NEIL3: variants seen among roughly 807,000 people sequenced by gnomAD.
NEIL3 encodes the protein endonuclease 8-like 3.
In NEIL3, 48 loss-of-function variants were observed where a neutral mutation model predicts 57.5. That is an observed-to-expected ratio of 0.83 (90% CI 0.66 to 1.06). The LOEUF (loss-of-function observed/expected upper bound fraction) is 1.06, where lower values mean the gene tolerates loss of function less well. Ranked by LOEUF, NEIL3 falls within the 50% of genes least tolerant of loss-of-function variation. The pLI is 0.00. For missense variants in NEIL3, 717 were observed against 739.1 expected (o/e 0.97, Z 0.35); for synonymous variants, 261 against 253.2 (o/e 1.03, Z -0.29).
chr4:177,358,718 A>T (rs10016805), intron 8 of NEIL3, among the ~76,000 whole-genome samples: 26,125 of 152,024 alleles, frequency 0.17, 2,516 homozygotes, highest in South Asian at 0.26. Context: ...CCTACCTTCT[A>T]CCTTGGCCCT....
intron 6 of NEIL3, chr4:177,343,832 TTTATG>T (rs1735154016): frequency 6.6e-6 from 1 of 151,876 alleles, no homozygotes; most frequent in African/African-American, 2.4e-5. Context: ...TTCATAGTTT[TTTATG>T]AACAGGAACT....
intron 2 of NEIL3, among the ~76,000 whole-genome samples, chr4:177,325,059 A>G (rs1461108550): frequency 6.6e-6 from 1 of 152,146 alleles, no homozygotes; most frequent in Non-Finnish European, 1.5e-5. Context: ...TTTTGAAGTT[A>G]TATGTGCTCA....
At chr4:177,338,013 GTCTC>G (rs749630205) in intron 4 of NEIL3, among the ~76,000 whole-genome samples, 3 of 141,778 alleles carry the variant, frequency 2.1e-5, no homozygotes, top group East Asian at 2.0e-4. Flanking sequence ...GCGAGACTCT[GTCTC>G]TCTCTCTCAC....
chr4:177,343,828 G>GT (rs1272628301), intron 6 of NEIL3: 1 of 151,194 alleles, frequency 6.6e-6, no homozygotes, highest in African/African-American at 2.4e-5. Flanking sequence ...AACTTTCATA[G>GT]TTTTTTATGA....
intron 1 of NEIL3, among the ~76,000 whole-genome samples, chr4:177,320,039 C>G (rs34880612): frequency 5.0e-4 from 76 of 152,200 alleles, no homozygotes; most frequent in African/African-American, 1.7e-3. Flanking sequence ...TATATTGAGA[C>G]AAAGATCTAT....
chr4:177,338,089 C>T (rs926223685), intron 4 of NEIL3, among the ~76,000 whole-genome samples: 1 of 151,992 alleles, frequency 6.6e-6, no homozygotes, highest in African/African-American at 2.4e-5. Flanking sequence ...AAAGCACGTG[C>T]ACAATTACTG....
At chr4:177,325,147 T>G (rs965935032) in intron 2 of NEIL3, among the ~76,000 whole-genome samples, 1 of 152,114 alleles carries the variant, frequency 6.6e-6, no homozygotes, top group African/African-American at 2.4e-5. Flanking sequence ...GATTTTATAA[T>G]TTATTGGGGT....
chr4:177,326,473 G>A (rs553465681), intron 2 of NEIL3, among the ~76,000 whole-genome samples: 2 of 150,974 alleles, frequency 1.3e-5, no homozygotes, highest in South Asian at 4.2e-4. Flanking sequence ...TAGCTTTAAA[G>A]TCAGTTTAAA....
Position 177,362,378 on chromosome 4 carries a change from T to C in NEIL3, c.1725T>C (p.Asn575=), listed in dbSNP as rs1418998602. ...VLKIGPNNGK[N]FFVCPLGKEK... ...AGATTGGACCTAACAATGGAAAGAA[T>C]TTTTTTGTGTGTCCTCTTGGGAAGG... Residue 575 remains asparagine, a synonymous_variant, in exon 10 of 10, where the codon AAT becomes AAC. Transcript: ENST00000264596. The C allele has an allele frequency of 1.2e-6, 2 of 1,613,144 alleles. No homozygotes were observed. The highest frequency in any genetic ancestry group is 1.7e-6 in the Non-Finnish European group (2 of 1,179,530).
rs199732227 is a variant in NEIL3 at position 177,335,752 on chromosome 4, G to C, written c.343G>C (p.Ala115Pro). Residue 115 changes from alanine to proline, a missense_variant, in exon 3 of 10, where the codon GCT becomes CCT. Coordinates refer to ENST00000264596, the MANE Select transcript of NEIL3 (RefSeq NM_018248.3). ...ACTTGAGTATAAATATAAAAATGGA[G>C]CTTCTCCTGTTTTGGAAGTGCAGCT... ...NPLEYKYKNG[A>P]SPVLEVQLTK... 4 of 1,595,634 alleles carry C rather than the reference G, an allele frequency of 2.5e-6. No homozygotes were observed. The highest frequency in any genetic ancestry group is 3.4e-6 in the Non-Finnish European group (4 of 1,172,820).
At chr4:177,334,264 C>T (rs976699223) in intron 2 of NEIL3, among the ~76,000 whole-genome samples, 11 of 151,688 alleles carry the variant, frequency 7.3e-5, no homozygotes, top group Non-Finnish European at 1.2e-4. Context: ...GTAATAAACC[C>T]ACGAGATGTG....
chr4:177,337,357 A>G (rs932150411), intron 4 of NEIL3, among the ~76,000 whole-genome samples: 7 of 152,114 alleles, frequency 4.6e-5, no homozygotes, highest in African/African-American at 1.7e-4. Flanking sequence ...ACATAAACCC[A>G]GGTTATTTTT....
chr4:177,349,503 T>A (rs1035447423), intron 6 of NEIL3, among the ~76,000 whole-genome samples: 2 of 152,120 alleles, frequency 1.3e-5, no homozygotes, highest in African/African-American at 4.8e-5. Flanking sequence ...CCTCCCTCTC[T>A]CTTATAAAGA....
At chr4:177,311,662 G>A (rs1453478346) in intron 1 of NEIL3, among the ~76,000 whole-genome samples, 4 of 122,806 alleles carry the variant, frequency 3.3e-5, no homozygotes, top group Admixed American at 2.9e-4. Context: ...CAACAAGAGC[G>A]AAACTCTGTC....
chr4:177,345,207 T>C (rs949807333), intron 6 of NEIL3, among the ~76,000 whole-genome samples: 2 of 152,222 alleles, frequency 1.3e-5, no homozygotes, highest in African/African-American at 4.8e-5. Context: ...CAAGGAAGTC[T>C]TTCTGAAAGA....
chr4:177,326,513 CTT>C (rs36076912), intron 2 of NEIL3, among the ~76,000 whole-genome samples: 1 of 142,674 alleles, frequency 7.0e-6, no homozygotes, highest in Non-Finnish European at 1.5e-5. Context: ...TGACTTTATT[CTT>C]TTTTTTTTTC....
rs376987329 is a variant in NEIL3 at position 177,322,598 on chromosome 4, G to A, written c.278+18G>A. ...GCTTTACGGTAAGATAAGCCTGTAC[G>A]ATACATCTTATCTCTCTATATTTAA... On this transcript the variant is annotated intron_variant, in intron 2 of 9. Coordinates refer to ENST00000264596, the MANE Select transcript of NEIL3 (RefSeq NM_018248.3). The A allele has an allele frequency of 9.3e-6, 15 of 1,613,420 alleles. No homozygotes were observed. Among genetic ancestry groups the A allele is most frequent in the African/African-American group, 4.0e-5 (3 of 75,002 alleles).
chr4:177,365,947 T>A (rs969864244), downstream of NEIL3, among the ~76,000 whole-genome samples: 7 of 152,192 alleles, frequency 4.6e-5, no homozygotes, highest in African/African-American at 1.7e-4. Context: ...ATCAGAATGA[T>A]GTGACCCAGT....
downstream of NEIL3, among the ~76,000 whole-genome samples, chr4:177,367,029 A>T (rs61071405): frequency 0.046 from 7,004 of 151,932 alleles, 209 homozygotes; most frequent in South Asian, 0.091. Flanking sequence ...TTTTGCTAAG[A>T]TGTTCTAGTT....
Sources: gnomAD v4.1 joint callset for allele counts (sites outside exome capture counted in the v4.1 genomes callset) on GRCh38, gnomAD v4.1.1 for gene constraint, MANE v1.5 for transcripts, NCBI Gene and HGNC (gene_info 2026-07-23, HGNC 2026-07-21) for gene names.